SLIT2: variants seen among roughly 807,000 people sequenced by gnomAD.
The protein encoded by SLIT2 is slit guidance ligand 2, also known as slit homolog 2 protein.
SLIT2 carries 41 observed loss-of-function variants against 185.7 expected under a neutral mutation model. The observed-to-expected ratio is 0.22, with a 90% CI of 0.17 to 0.29. SLIT2 has a LOEUF of 0.29. SLIT2 is among the 10% of genes least tolerant of loss of function. SLIT2 has a pLI of 1.00. For missense variants in SLIT2, 1,571 were observed against 1,909.0 expected, an observed-to-expected ratio of 0.82 and a Z score of 3.30; for synonymous variants, 693 against 680.2, an observed-to-expected ratio of 1.02 and a Z score of -0.29.
chr4:20,435,846 C>G (rs1266944954), intron 4 of SLIT2, among the ~76,000 whole-genome samples: 3 of 152,104 alleles, frequency 2.0e-5, no homozygotes, highest in African/African-American at 7.2e-5. Context: ...GAAAAGTCGA[C>G]CAATGTAGAT....
At chr4:20,479,464 T>G (rs1013217285) in intron 5 of SLIT2, among the ~76,000 whole-genome samples, 2 of 152,168 alleles carry the variant, frequency 1.3e-5, no homozygotes, top group African/African-American at 4.8e-5. Flanking sequence ...ATAATCTTAC[T>G]CCTGTTCATC....
intron 34 of SLIT2, among the ~76,000 whole-genome samples, chr4:20,613,964 C>T (rs1286718554): frequency 1.3e-5 from 2 of 152,236 alleles, no homozygotes; most frequent in African/African-American, 2.4e-5. Flanking sequence ...CTCCACCTCC[C>T]GAGTTCAAGT....
chr4:20,573,415 A>ATTT (rs1322350220), intron 29 of SLIT2, among the ~76,000 whole-genome samples: 1 of 152,216 alleles, frequency 6.6e-6, no homozygotes, highest in African/African-American at 2.4e-5. Flanking sequence ...CAGATGTTTA[A>ATTT]TCTATGCATC....
intron 4 of SLIT2, among the ~76,000 whole-genome samples, chr4:20,335,581 T>A (rs984048507): frequency 1.3e-5 from 2 of 152,104 alleles, no homozygotes; most frequent in African/African-American, 4.8e-5. Flanking sequence ...GAGCACAAGA[T>A]GGAAATATTT....
chr4:20,430,455 AG>A (rs1342324092), intron 4 of SLIT2, among the ~76,000 whole-genome samples: 19 of 152,194 alleles, frequency 1.2e-4, no homozygotes, highest in Non-Finnish European at 2.6e-4. Context: ...CTGCAGCGTC[AG>A]GGAAAAAAAT....
At chr4:20,478,662 C>T (rs1021532237) in intron 5 of SLIT2, among the ~76,000 whole-genome samples, 1 of 152,158 alleles carries the variant, frequency 6.6e-6, no homozygotes, top group Non-Finnish European at 1.5e-5. Context: ...AACCTGGAGA[C>T]TGCATTAGGC....
intron 8 of SLIT2, chr4:20,490,712 T>C (rs1026744327): frequency 1.5e-5 from 14 of 927,084 alleles, no homozygotes; most frequent in Non-Finnish European, 2.2e-5. Context: ...ATATGTCTGA[T>C]TGCTTTTTTA....
Position 20,596,674 on chromosome 4 carries a change from TGG to T in SLIT2, c.3561+20_3561+21del, listed in dbSNP as rs773859058. The T allele has an allele frequency of 6.2e-7, 1 of 1,600,338 alleles. No individual in the cohort carries two copies. The highest frequency in any genetic ancestry group is 8.5e-7 in the Non-Finnish European group (1 of 1,174,408). ...ACTTCAGGTAAGAGATCTCTCTCTA[TGG>T]AGAGATGATCGGATCTTAAAATTCA... On this transcript the variant is annotated intron_variant, in intron 32 of 36. Transcript: ENST00000504154.
chr4:20,441,724 A>G (rs1729768247), intron 4 of SLIT2, among the ~76,000 whole-genome samples: 4 of 152,182 alleles, frequency 2.6e-5, no homozygotes, highest in Admixed American at 2.6e-4. Flanking sequence ...GGCTTTGTAA[A>G]CATGGGTCCT....
rs1229357515 is a variant in SLIT2 at position 20,484,873 on chromosome 4, AT to A, written c.540-1325del. Among the ~76,000 whole-genome samples the A allele has an allele frequency of 4.6e-5, 7 of 152,028 alleles. No individual in the cohort carries two copies. The highest frequency in any genetic ancestry group is 1.7e-4 in the African/African-American group (7 of 41,406). On this transcript the variant is annotated intron_variant, in intron 6 of 36. Coordinates refer to ENST00000504154, the MANE Select transcript of SLIT2 (RefSeq NM_004787.4). This position sits in a 1 kb window ranked among gnomAD's most constrained non-coding sequence, Gnocchi z 4.3. ...GAGACTATCATTGCTAGCTTACCAT[AT>A]TCTTCACATTCCCCAAATGTCTGCT...
At chr4:20,598,888 G>C (rs924439615) in intron 33 of SLIT2, among the ~76,000 whole-genome samples, 2 of 152,160 alleles carry the variant, frequency 1.3e-5, no homozygotes, top group African/African-American at 4.8e-5. Flanking sequence ...TGCATGCCGG[G>C]AAAGAAGGAA....
intron 4 of SLIT2, among the ~76,000 whole-genome samples, chr4:20,298,384 C>T (rs1422357624): frequency 2.6e-5 from 4 of 152,086 alleles, no homozygotes; most frequent in Admixed American, 6.6e-5. Flanking sequence ...CCACTGCACC[C>T]GGCCCTATTT....
intron 29 of SLIT2, among the ~76,000 whole-genome samples, chr4:20,570,745 A>ATG (rs1725529971): frequency 3.4e-5 from 5 of 145,050 alleles, no homozygotes; most frequent in African/African-American, 1.0e-4. Context: ...ATATATATAT[A>ATG]TATATATATA....
At chr4:20,488,130 A>G (rs1036961157) in intron 7 of SLIT2, among the ~76,000 whole-genome samples, 4 of 152,140 alleles carry the variant, frequency 2.6e-5, no homozygotes, top group African/African-American at 9.7e-5. Context: ...GCAATCCATG[A>G]TCTTGTGTGG....
chr4:20,477,767 T>C (rs1297753810), intron 5 of SLIT2, among the ~76,000 whole-genome samples: 3 of 152,214 alleles, frequency 2.0e-5, no homozygotes, highest in Non-Finnish European at 4.4e-5. Flanking sequence ...ATTTACACTA[T>C]GTCTTAGTGA....
In SLIT2 at chr4:20,529,012, A is replaced by G; in HGVS notation, c.1526A>G (p.Lys509Arg). ...DCFADLACPE[K>R]CRCEGTTVDC... ...TTTGCGGATCTGGCTTGCCCTGAAA[A>G]GTGTCGCTGTGAAGGAACCACAGTA... The change falls in exon 16 of 37, where the codon AAG (lysine) becomes AGG (arginine). Residue 509 changes from lysine to arginine, a missense_variant. By Grantham distance (26) the Lys-to-Arg change is conservative. This residue lies in a region of SLIT2 where 1,202 missense variants were observed against 1,416.4 expected (regional missense o/e 0.85). Transcript: ENST00000504154. 1 of 1,613,984 alleles carries G rather than the reference A, an allele frequency of 6.2e-7. No individual in the cohort carries two copies. The highest frequency in any genetic ancestry group is 1.3e-5 in the African/African-American group (1 of 75,018).
At chr4:20,457,299 A>C (rs1713181186) in intron 4 of SLIT2, among the ~76,000 whole-genome samples, 1 of 152,002 alleles carries the variant, frequency 6.6e-6, no homozygotes, top group African/African-American at 2.4e-5. Flanking sequence ...GTTGAGTATA[A>C]TATTCTACCA....
intron 4 of SLIT2, among the ~76,000 whole-genome samples, chr4:20,280,690 G>A (rs1714663003): frequency 6.6e-6 from 1 of 152,012 alleles, no homozygotes; most frequent in Non-Finnish European, 1.5e-5. Context: ...TTACAGTGGT[G>A]GAGTTATTCA....
chr4:20,483,250 A>G (rs1716889956), intron 6 of SLIT2, among the ~76,000 whole-genome samples: 1 of 152,012 alleles, frequency 6.6e-6, no homozygotes, highest in Non-Finnish European at 1.5e-5. Context: ...TCATTGATGA[A>G]AAGTATCAAA....
Sources: gnomAD v4.1 joint callset for allele counts (sites outside exome capture counted in the v4.1 genomes callset) on GRCh38, gnomAD v4.1.1 for gene constraint, gnomAD v4.1.1 regional missense constraint, Gnocchi (gnomAD v3.1) non-coding constraint, MANE v1.5 for transcripts, NCBI Gene and HGNC (gene_info 2026-07-23, HGNC 2026-07-21) for gene names.